The following LTBP1 variants were observed in gnomAD, a reference collection of about 807,000 sequenced individuals.
LTBP1 encodes the protein latent transforming growth factor beta binding protein 1.
A neutral mutation model predicts 207.6 loss-of-function variants in LTBP1; 129 were observed. That is an observed-to-expected ratio of 0.62 (90% confidence interval 0.54 to 0.72). The LOEUF is 0.72. LTBP1 is among the 30% of genes least tolerant of loss of function. The pLI is 0.00. For missense variants in LTBP1, 2,281 were observed against 2,217.2 expected, an observed-to-expected ratio of 1.03 and a Z score of -0.58; for synonymous variants, 963 against 833.7, an observed-to-expected ratio of 1.16 and a Z score of -2.67.
intron 7 of LTBP1, among the ~76,000 whole-genome samples, chr2:33,202,538 A>G (rs1375370954): frequency 6.6e-6 from 1 of 152,244 alleles, no homozygotes; most frequent in African/African-American, 2.4e-5. Flanking sequence ...TACAAAACAA[A>G]CAAACCTAGT....
At chr2:33,012,333 C>T (rs933688753) in intron 2 of LTBP1, among the ~76,000 whole-genome samples, 1 of 151,844 alleles carries the variant, frequency 6.6e-6, no homozygotes, top group Non-Finnish European at 1.5e-5. Flanking sequence ...CCCTCTTGTA[C>T]GTGTCTGCTC....
intron 2 of LTBP1, among the ~76,000 whole-genome samples, chr2:32,960,571 G>A (rs1244960265): frequency 6.6e-6 from 1 of 152,080 alleles, no homozygotes; most frequent in Non-Finnish European, 1.5e-5. Flanking sequence ...AGAGATTTGG[G>A]ACTAAGTAAA....
chr2:33,381,726 T>C (rs1490955154), intron 31 of LTBP1, among the ~76,000 whole-genome samples: 1 of 152,176 alleles, frequency 6.6e-6, no homozygotes, highest in Non-Finnish European at 1.5e-5. Flanking sequence ...AACTAAGTGC[T>C]TACCTGATGC....
Position 32,964,306 on chromosome 2 carries a change from A to G in LTBP1, c.565+15361A>G, listed in dbSNP as rs1319088664. Among the ~76,000 whole-genome samples the G allele has an allele frequency of 5.3e-5, 8 of 152,332 alleles. No homozygotes were observed. The South Asian group carries it at 1.7e-3, about 32-fold the overall frequency. ...GGCCCTTTGTAGAAGGAGCTGAAAA[A>G]GGAGCTGGTTTGCTTGTCCTGTGAA... On this transcript the variant is annotated intron_variant, in intron 2 of 33. Transcript: ENST00000404816.
chr2:33,091,185 G>A (rs71446098), intron 3 of LTBP1, among the ~76,000 whole-genome samples: 10,879 of 152,208 alleles, frequency 0.071, 502 homozygotes, highest in South Asian at 0.15. Context: ...TGCATGCAAT[G>A]TATGTTTGCA....
At chr2:33,284,255 G>C (rs1283832105) in intron 19 of LTBP1, among the ~76,000 whole-genome samples, 1 of 152,180 alleles carries the variant, frequency 6.6e-6, no homozygotes, top group Non-Finnish European at 1.5e-5. Context: ...GGTGTTTTCT[G>C]AGGGACTACA....
intron 7 of LTBP1, among the ~76,000 whole-genome samples, chr2:33,204,868 T>A (rs946592437): frequency 6.6e-6 from 1 of 152,254 alleles, no homozygotes; most frequent in Non-Finnish European, 1.5e-5. Flanking sequence ...TATGTGAAAT[T>A]TGAGGCTCAG....
intron 3 of LTBP1, among the ~76,000 whole-genome samples, chr2:33,035,919 C>A (rs970907037): frequency 6.6e-6 from 1 of 152,184 alleles, no homozygotes; most frequent in African/African-American, 2.4e-5. Flanking sequence ...GAGGCTCTTA[C>A]GTGGTCCTTG....
intron 12 of LTBP1, among the ~76,000 whole-genome samples, chr2:33,259,142 C>G (rs1246298260): frequency 6.6e-6 from 1 of 152,174 alleles, no homozygotes; most frequent in Non-Finnish European, 1.5e-5. Context: ...ATGTCTCTTA[C>G]TGAAATAAGT....
chr2:33,056,137 C>T (rs547337668), intron 3 of LTBP1, among the ~76,000 whole-genome samples: 33 of 152,114 alleles, frequency 2.2e-4, no homozygotes, highest in East Asian at 2.1e-3. Flanking sequence ...CTCAGGTGGC[C>T]GTTTTTCCCC....
intron 24 of LTBP1, among the ~76,000 whole-genome samples, chr2:33,332,421 C>CTCA (rs888248686): frequency 1.4e-4 from 21 of 146,446 alleles, no homozygotes; most frequent in Non-Finnish European, 2.7e-4. Context: ...CAGAGACACT[C>CTCA]TCATTATAGA....
chr2:33,167,007 C>T (rs1409483942), intron 5 of LTBP1, among the ~76,000 whole-genome samples: 1 of 152,122 alleles, frequency 6.6e-6, no homozygotes, highest in Non-Finnish European at 1.5e-5. Flanking sequence ...GCCGAATACT[C>T]CTGGCTGATA....
chr2:32,973,296 A>G (rs1224963818), intron 2 of LTBP1, among the ~76,000 whole-genome samples: 5 of 152,218 alleles, frequency 3.3e-5, no homozygotes, highest in African/African-American at 1.2e-4. Context: ...GGTCTCCAAT[A>G]ACTTGTTTTA....
At chr2:33,036,844 C>G (rs1161531061) in intron 3 of LTBP1, among the ~76,000 whole-genome samples, 1 of 151,788 alleles carries the variant, frequency 6.6e-6, no homozygotes, top group East Asian at 1.9e-4. Flanking sequence ...AAAATGCTTC[C>G]CTCATATTAA....
Position 32,947,789 on chromosome 2 carries a change from G to T in LTBP1, c.465G>T (p.Leu155=). ...QETQSGGGSR[L]QVHQKQQLQG... ...CCCAGAGCGGCGGAGGCTCTAGGCT[G>T]CAGGTTCACCAGAAGCAGCAGCTGC... The change falls in exon 1 of 34, where the codon CTG becomes CTT. Residue 155 remains leucine, a synonymous_variant. Transcript: ENST00000404816. 3.4e-6 allele frequency: 5 copies of T among 1,484,344 alleles called. No individual in the cohort carries two copies. The highest frequency in any genetic ancestry group is 4.5e-6 in the Non-Finnish European group (5 of 1,113,524). 91.9% of individuals were successfully genotyped at this position (1,484,344 alleles called of 1,614,324 possible).
rs997144757 is a variant in LTBP1, at chr2:33,252,589, A to G, written c.2000-88A>G. ...TATCCTGAAGTGTGGTTTTTAATTC[A>G]TACCTTAGGGTTCATTTTACTATCA... On this transcript the variant is annotated intron_variant, in intron 10 of 33. Coordinates refer to ENST00000404816, the MANE Select transcript of LTBP1 (RefSeq NM_206943.4). The G allele has an allele frequency of 1.4e-5, 17 of 1,242,658 alleles. No homozygotes were observed. The East Asian group carries it at 4.0e-4, about 29-fold the overall frequency. 77.0% of individuals were successfully genotyped at this position (1,242,658 alleles called of 1,614,324 possible).
chr2:33,114,878 C>A (rs1003842108), intron 4 of LTBP1, among the ~76,000 whole-genome samples: 1 of 152,076 alleles, frequency 6.6e-6, no homozygotes, highest in African/African-American at 2.4e-5. Context: ...TATAACCCAG[C>A]AATTCCACAC....
At chr2:33,128,563 A>G (rs1162248376) in intron 4 of LTBP1, among the ~76,000 whole-genome samples, 3 of 152,148 alleles carry the variant, frequency 2.0e-5, no homozygotes, top group Non-Finnish European at 4.4e-5. Context: ...GGAGGTAGCT[A>G]TTTTTCATTT....
chr2:33,084,762 G>A (rs1478427479), intron 3 of LTBP1, among the ~76,000 whole-genome samples: 4 of 152,152 alleles, frequency 2.6e-5, no homozygotes, highest in African/African-American at 9.7e-5. Context: ...TGACACCCTT[G>A]ACTCTGCTGT....
Sources: allele counts gnomAD v4.1 joint callset (sites outside exome capture counted in the v4.1 genomes callset), GRCh38; gene constraint gnomAD v4.1.1; transcripts MANE v1.5; gene names NCBI Gene and HGNC (gene_info 2026-07-23, HGNC 2026-07-21).